TRAPPC9: variants seen among roughly 807,000 people sequenced by gnomAD.
TRAPPC9 encodes the protein trafficking protein particle complex subunit 9.
Under a neutral mutation model 124.0 loss-of-function variants are expected in TRAPPC9, and 83 were observed. The observed-to-expected ratio is 0.67, with a 90% confidence interval of 0.56 to 0.80. TRAPPC9 has a LOEUF of 0.80. Ranked by LOEUF, TRAPPC9 falls within the 30% of genes least tolerant of loss-of-function variation. TRAPPC9 has a pLI of 0.00. For synonymous variants in TRAPPC9, 638 were observed against 617.5 expected (o/e 1.03, Z -0.49); for missense variants, 1,302 against 1,508.3 (o/e 0.86, Z 2.27).
chr8:140,052,963 G>T (rs1357017880), intron 17 of TRAPPC9, among the ~76,000 whole-genome samples: 1 of 152,058 alleles, frequency 6.6e-6, no homozygotes, highest in East Asian at 1.9e-4. Flanking sequence ...AATAAAAAAT[G>T]ATAGGAGTGG....
At position 139,731,187 on chromosome 8, in the gene TRAPPC9, G is replaced by C; in HGVS notation, c.3321C>G (p.Leu1107=). ...GGAAGAAGTCTCCCGTGTAGAGGAA[G>C]AGGAGGGCCCCGAGGCAGGCCGACT... The part of the protein sequence containing the change: ...SGQSACLGAL[L]FLYTGDFFLH... Residue 1107 remains leucine, a synonymous_variant, in exon 23 of 23, where the codon CTC becomes CTG. Transcript: ENST00000438773. 2 of 1,613,886 alleles carry C rather than the reference G, an allele frequency of 1.2e-6. No homozygotes were observed. Among genetic ancestry groups the C allele is most frequent in the Non-Finnish European group, 8.5e-7 (1 of 1,179,976 alleles).
chr8:139,731,270 A>C (rs754462149), intron 22 of TRAPPC9, 42 bp from the exon 23 acceptor site: 1 of 1,607,582 alleles, frequency 6.2e-7, no homozygotes, highest in East Asian at 2.2e-5. Context: ...GGTCAGCAGC[A>C]GGGGCCACCC....
At chr8:140,195,839 C>A (rs1261586794) in intron 17 of TRAPPC9, among the ~76,000 whole-genome samples, 1 of 148,842 alleles carries the variant, frequency 6.7e-6, no homozygotes, top group Non-Finnish European at 1.5e-5. Context: ...AATGATCCAC[C>A]ATACAGATCA....
chr8:140,009,190 G>T lies in TRAPPC9; in HGVS notation c.2699+14747C>A, dbSNP rs539764825. On this transcript the variant is annotated intron_variant, in intron 18 of 22. Transcript: ENST00000438773. ...GTCTTAAGTCCTTGATACTTCAGAA[G>T]AACATCCATAGACTCCCCCATTTGT... 2.6e-5 allele frequency among the ~76,000 whole-genome samples: 4 copies of T among 152,254 alleles called. No individual in the cohort carries two copies. In the South Asian group the frequency reaches 8.3e-4, roughly 32 times the overall value.
rs117828592 is a variant in TRAPPC9, at chr8:140,370,524, C to T, written c.1351+440G>A. Among the ~76,000 whole-genome samples the T allele has an allele frequency of 5.8e-3, 889 of 152,256 alleles. 6 individuals are homozygous for T. Among genetic ancestry groups the T allele is most frequent in the Non-Finnish European group, 0.01 (707 of 68,028 alleles). The stretch of plus-strand genomic sequence containing the variant: ...TACATATTTGTTATTAGATTGATAG[C>T]TTTATTTTTAATACATATTACCCTG... On this transcript the variant is annotated intron_variant, in intron 8 of 22. Transcript: ENST00000438773.
At chr8:140,037,337 A>G (rs1455597189) in intron 17 of TRAPPC9, among the ~76,000 whole-genome samples, 1 of 152,014 alleles carries the variant, frequency 6.6e-6, no homozygotes, top group Non-Finnish European at 1.5e-5. Context: ...TGTAAGTACC[A>G]GCTAATATTA....
At chr8:140,016,616 T>C (rs535575047) in intron 18 of TRAPPC9, among the ~76,000 whole-genome samples, 6 of 152,224 alleles carry the variant, frequency 3.9e-5, no homozygotes, top group Non-Finnish European at 5.9e-5. Context: ...TTTTGTTGCA[T>C]GTACCAGCAG....
chr8:140,414,817 T>A (rs1564008421), intron 5 of TRAPPC9, among the ~76,000 whole-genome samples: 1 of 152,026 alleles, frequency 6.6e-6, no homozygotes, highest in Non-Finnish European at 1.5e-5. Context: ...TCTTGGCTCA[T>A]TGCAACCTCT....
intron 17 of TRAPPC9, among the ~76,000 whole-genome samples, chr8:140,030,171 T>TA (rs1277193171): frequency 1.3e-5 from 2 of 152,184 alleles, no homozygotes; most frequent in East Asian, 3.8e-4. Context: ...GAAAAACCTA[T>TA]AGTCAAAACC....
intron 19 of TRAPPC9, among the ~76,000 whole-genome samples, chr8:139,920,526 A>G (rs557070864): frequency 6.6e-6 from 1 of 152,368 alleles, no homozygotes; most frequent in South Asian, 2.1e-4. Context: ...ACACAGTGGC[A>G]GCCAGGAGCC....
At chr8:140,124,647 C>T (rs547695589) in intron 17 of TRAPPC9, among the ~76,000 whole-genome samples, 213 of 152,280 alleles carry the variant, frequency 1.4e-3, no homozygotes, top group African/African-American at 4.7e-3. Context: ...CCTGACACCA[C>T]GCAGGCAGGG....
intron 17 of TRAPPC9, among the ~76,000 whole-genome samples, chr8:140,062,300 G>A (rs1842666276): frequency 6.6e-6 from 1 of 152,090 alleles, no homozygotes; most frequent in African/African-American, 2.4e-5. Flanking sequence ...CCATCCTACT[G>A]GGCATGATCA....
At chr8:140,079,247 G>T (rs1843676769) in intron 17 of TRAPPC9, among the ~76,000 whole-genome samples, 1 of 152,154 alleles carries the variant, frequency 6.6e-6, no homozygotes, top group South Asian at 2.1e-4. Flanking sequence ...AAATTACTCA[G>T]TCTCGGGTAT....
chr8:139,943,826 A>C (rs1322693628), intron 19 of TRAPPC9, among the ~76,000 whole-genome samples: 1 of 152,186 alleles, frequency 6.6e-6, no homozygotes, highest in Non-Finnish European at 1.5e-5. Flanking sequence ...AGTAGACAGA[A>C]GACAGGTCAA....
chr8:139,917,493 A>G (rs1186595052), intron 19 of TRAPPC9, among the ~76,000 whole-genome samples: 2 of 152,064 alleles, frequency 1.3e-5, no homozygotes, highest in Non-Finnish European at 2.9e-5. Flanking sequence ...ATTATTTTCA[A>G]TTAAAGGGGA....
intron 17 of TRAPPC9, among the ~76,000 whole-genome samples, chr8:140,114,735 G>A (rs143721594): frequency 1.4e-3 from 207 of 152,248 alleles, no homozygotes; most frequent in African/African-American, 4.5e-3. Context: ...ATATGGGAGC[G>A]GGAGGGAGAA....
intron 17 of TRAPPC9, among the ~76,000 whole-genome samples, chr8:140,090,184 T>C (rs1214193585): frequency 2.0e-5 from 3 of 152,196 alleles, no homozygotes; most frequent in Non-Finnish European, 4.4e-5. Context: ...TTATAACATA[T>C]GTAGGTTGAC....
At chr8:140,391,376 C>A (rs867763466) in intron 7 of TRAPPC9, among the ~76,000 whole-genome samples, 10 of 152,352 alleles carry the variant, frequency 6.6e-5, no homozygotes, top group African/African-American at 2.2e-4. Context: ...TTCCTTACTA[C>A]CACTTTCTCT....
At chr8:140,207,917 C>T in intron 17 of TRAPPC9, among the ~76,000 whole-genome samples, 1 of 152,138 alleles carries the variant, frequency 6.6e-6, no homozygotes, top group East Asian at 1.9e-4. Context: ...TTTGGGAGGC[C>T]AAGGCGGGAG....
Sources: gnomAD v4.1 joint callset for allele counts (sites outside exome capture counted in the v4.1 genomes callset) on GRCh38, gnomAD v4.1.1 for gene constraint, MANE v1.5 for transcripts, NCBI Gene and HGNC (gene_info 2026-07-23, HGNC 2026-07-21) for gene names.